Variants in GRIA3 observed in about 807,000 individuals in gnomAD.
The protein encoded by GRIA3 is glutamate receptor 3.
A neutral mutation model predicts 63.0 loss-of-function variants in GRIA3; 3 were observed. That is an observed-to-expected ratio of 0.05 (90% CI 0.02 to 0.12). GRIA3 has a LOEUF of 0.12. Among genes scored for constraint, GRIA3 ranks in the 10% least tolerant of loss-of-function variants. The probability of loss-of-function intolerance (pLI) is 1.00; values close to 1 mark genes in which losing one functional copy is unlikely to be tolerated. For synonymous variants in GRIA3, 274 were observed against 257.9 expected (o/e 1.06, Z -0.60); for missense variants, 347 against 700.9 (o/e 0.50, Z 5.70).
intron 3 of GRIA3, among the ~76,000 whole-genome samples, chrX:123,313,905 ATCT>A (rs1159244161): frequency 9.0e-6 from 1 of 111,625 alleles, no homozygotes; most frequent in East Asian, 2.8e-4. Flanking sequence ...GTGGGTGGTC[ATCT>A]TCTTCTTTGT....
chrX:123,404,968 GAA>G, intron 10 of GRIA3, 54 bp downstream of exon 10: 2 of 850,264 alleles, frequency 2.4e-6, no homozygotes, highest in Non-Finnish European at 3.5e-6. Context: ...AATTAACAAA[GAA>G]GAGAGAAGAT....
At chrX:123,328,391 G>T (rs1253194010) in intron 4 of GRIA3, among the ~76,000 whole-genome samples, 1 of 111,648 alleles carries the variant, frequency 9.0e-6, no homozygotes, top group African/African-American at 3.2e-5. Context: ...TCTTCTATAC[G>T]CACATTCACA....
chrX:123,447,883 T>G lies in GRIA3; in HGVS notation c.2077-16982T>G, dbSNP rs112878865. Reference sequence around the variant, plus strand: ...AATTATTCAACCCATCTCTCAGAGCTGATACAGATAACTATTTTTTAAAAA... The same window carrying G: ...AATTATTCAACCCATCTCTCAGAGCGGATACAGATAACTATTTTTTAAAAA... On this transcript the variant is annotated intron_variant, in intron 12 of 15. Coordinates refer to ENST00000620443, the MANE Select transcript of GRIA3 (RefSeq NM_007325.5). 6.9e-3 allele frequency among the ~76,000 whole-genome samples: 771 copies of G among 112,273 alleles called. 7 individuals carry two copies. The highest frequency in any genetic ancestry group is 0.024 in the African/African-American group (735 of 30,901).
intron 14 of GRIA3, among the ~76,000 whole-genome samples, chrX:123,481,739 G>A (rs781015982): frequency 9.0e-6 from 1 of 111,554 alleles, no homozygotes; most frequent in East Asian, 2.8e-4. Flanking sequence ...GGCCCTTGGT[G>A]TGTCCTACCT....
intron 2 of GRIA3, among the ~76,000 whole-genome samples, chrX:123,205,461 T>G (rs1927860410): frequency 8.9e-6 from 1 of 112,544 alleles, no homozygotes; most frequent in African/African-American, 3.2e-5. Flanking sequence ...TTCCATAGCC[T>G]TCTATCTCTT....
intron 12 of GRIA3, among the ~76,000 whole-genome samples, chrX:123,455,478 G>C (rs983326584): frequency 1.8e-5 from 2 of 111,946 alleles, no homozygotes. Flanking sequence ...CACCTTATTA[G>C]AGCTATTGAC....
intron 3 of GRIA3, among the ~76,000 whole-genome samples, chrX:123,257,718 T>C (rs1042768839): frequency 1.8e-5 from 2 of 111,588 alleles, no homozygotes; most frequent in African/African-American, 6.5e-5. Context: ...AGAGAACACC[T>C]ATAATTACAT....
chrX:123,238,632 T>C (rs774779090), intron 2 of GRIA3, among the ~76,000 whole-genome samples: 1 of 112,701 alleles, frequency 8.9e-6, no homozygotes, highest in East Asian at 2.8e-4. Flanking sequence ...CATTTATTTT[T>C]AATGCTAGGT....
At chrX:123,406,288 C>G (rs2045473575) in intron 10 of GRIA3, among the ~76,000 whole-genome samples, 1 of 111,419 alleles carries the variant, frequency 9.0e-6, no homozygotes, top group South Asian at 3.8e-4. Context: ...AACTCTCTGT[C>G]TAGACAATAT....
intron 13 of GRIA3, among the ~76,000 whole-genome samples, chrX:123,472,092 T>C (rs2147439504): frequency 1.1e-5 from 1 of 92,337 alleles, no homozygotes; most frequent in Non-Finnish European, 2.2e-5. Context: ...CTAGAATGTA[T>C]GCTAATAGAG....
intron 5 of GRIA3, among the ~76,000 whole-genome samples, chrX:123,380,332 C>T (rs1400140371): frequency 8.9e-6 from 1 of 112,056 alleles, no homozygotes; most frequent in Admixed American, 9.4e-5. Context: ...TAATGATCAC[C>T]ATTCTAACTG....
intron 3 of GRIA3, among the ~76,000 whole-genome samples, chrX:123,295,543 T>C (rs2044680548): frequency 9.0e-6 from 1 of 111,127 alleles, no homozygotes; most frequent in African/African-American, 3.3e-5. Context: ...GTTACTGAGT[T>C]GGATATTTAA....
chrX:123,409,117 C>T (rs2045492356), intron 10 of GRIA3, among the ~76,000 whole-genome samples: 3 of 111,932 alleles, frequency 2.7e-5, no homozygotes, highest in African/African-American at 9.7e-5. Context: ...AATGATTTCT[C>T]TAAGTTCTTA....
chrX:123,234,408 T>C (rs2044291946), intron 2 of GRIA3, among the ~76,000 whole-genome samples: 1 of 112,183 alleles, frequency 8.9e-6, no homozygotes, highest in Non-Finnish European at 1.9e-5. Context: ...TGGAATCCAT[T>C]TCACAAATGT....
intron 2 of GRIA3, among the ~76,000 whole-genome samples, chrX:123,243,528 C>T (rs2044341909): frequency 8.9e-6 from 1 of 111,946 alleles, no homozygotes; most frequent in Non-Finnish European, 1.9e-5. Context: ...CTTCTACCAT[C>T]AGGTGTCAGT....
intron 5 of GRIA3, among the ~76,000 whole-genome samples, chrX:123,355,825 T>A (rs1421230493): frequency 8.9e-6 from 1 of 112,301 alleles, no homozygotes; most frequent in Non-Finnish European, 1.9e-5. Flanking sequence ...TTATATTTTT[T>A]AATCAAAGAA....
chrX:123,230,328 A>G (rs1403040812), intron 2 of GRIA3, among the ~76,000 whole-genome samples: 1 of 112,143 alleles, frequency 8.9e-6, no homozygotes, highest in Non-Finnish European at 1.9e-5. Flanking sequence ...AAACTAACCC[A>G]TCTTGTGTCA....
rs139058646 is a variant in GRIA3 at position 123,417,394 on chromosome X, T to C, written c.1501-8T>C. The C allele has an allele frequency of 8.4e-7, 1 of 1,195,721 alleles. No individual in the cohort carries two copies. Among genetic ancestry groups the C allele is most frequent in the African/African-American group, 1.8e-5 (1 of 56,895 alleles). ...CATATATGTTTTCTTTTTTTTCTTT[T>C]TTTTCAGAGAGCTGATATAGCTGTT... On this transcript the variant is annotated splice_polypyrimidine_tract_variant and splice_region_variant and intron_variant, in intron 10 of 15. Coordinates refer to ENST00000620443, the MANE Select transcript of GRIA3 (RefSeq NM_007325.5).
intron 5 of GRIA3, among the ~76,000 whole-genome samples, chrX:123,360,871 A>T (rs1448731370): frequency 1.7e-4 from 17 of 100,227 alleles, no homozygotes; most frequent in Non-Finnish European, 2.8e-4. Flanking sequence ...ACACACACAC[A>T]CACACACACA....
Sources: gnomAD v4.1 joint callset for allele counts (sites outside exome capture counted in the v4.1 genomes callset) on GRCh38, gnomAD v4.1.1 for gene constraint, MANE v1.5 for transcripts, NCBI Gene and HGNC (gene_info 2026-07-23, HGNC 2026-07-21) for gene names.